Variants in SPATS2L observed in about 807,000 individuals in gnomAD.
The protein encoded by SPATS2L is SPATS2-like protein.
Under a neutral mutation model 59.6 loss-of-function variants are expected in SPATS2L, and 30 were observed. That is an observed-to-expected ratio of 0.50 (90% confidence interval 0.38 to 0.68). SPATS2L has a LOEUF of 0.68. Ranked by LOEUF, SPATS2L falls within the 30% of genes least tolerant of loss-of-function variation. The pLI is 0.00. For missense variants in SPATS2L, 615 were observed against 700.0 expected (o/e 0.88, Z 1.37); for synonymous variants, 252 against 263.5 (o/e 0.96, Z 0.42).
At chr2:200,325,339 G>A (rs566368552) in intron 1 of SPATS2L, among the ~76,000 whole-genome samples, 1 of 152,246 alleles carries the variant, frequency 6.6e-6, no homozygotes, top group African/African-American at 2.4e-5. Flanking sequence ...CAAAGTGGCA[G>A]GTACAGCTGA....
chr2:200,456,436 C>T (rs2085838646), intron 8 of SPATS2L, among the ~76,000 whole-genome samples: 1 of 152,140 alleles, frequency 6.6e-6, no homozygotes, highest in Admixed American at 6.5e-5. Context: ...TTGTGTAAAC[C>T]CTCTTCCCTC....
chr2:200,349,930 G>A (rs1248051159), intron 2 of SPATS2L, among the ~76,000 whole-genome samples: 2 of 152,174 alleles, frequency 1.3e-5, no homozygotes, highest in Non-Finnish European at 2.9e-5. Flanking sequence ...CTCCTGCCTG[G>A]GGGTCTAAGA....
intron 2 of SPATS2L, among the ~76,000 whole-genome samples, chr2:200,378,771 G>A (rs2081690823): frequency 6.6e-6 from 1 of 152,158 alleles, no homozygotes. Flanking sequence ...CAGCTTCCCA[G>A]AGTTAGCTAT....
chr2:200,406,257 G>A (rs550339162), intron 3 of SPATS2L, among the ~76,000 whole-genome samples: 12 of 152,044 alleles, frequency 7.9e-5, no homozygotes, highest in Non-Finnish European at 1.2e-4. Context: ...ACATTCTAAT[G>A]GGACTTATAT....
intron 2 of SPATS2L, among the ~76,000 whole-genome samples, chr2:200,354,443 A>G (rs1191833611): frequency 1.3e-5 from 2 of 152,146 alleles, no homozygotes; most frequent in Non-Finnish European, 2.9e-5. Flanking sequence ...TCCCGTCTCT[A>G]CTAAAAATAC....
At chr2:200,382,081 G>A (rs897428808) in intron 2 of SPATS2L, among the ~76,000 whole-genome samples, 4 of 152,002 alleles carry the variant, frequency 2.6e-5, no homozygotes, top group African/African-American at 9.7e-5. Context: ...TGTGGTGAAT[G>A]GAGTCACTCT....
At chr2:200,395,595 A>T (rs1455550148) in intron 3 of SPATS2L, among the ~76,000 whole-genome samples, 1 of 152,218 alleles carries the variant, frequency 6.6e-6, no homozygotes, top group Non-Finnish European at 1.5e-5. Context: ...TGCCTCACAA[A>T]GTCATCAAGT....
At chr2:200,453,084 A>G (rs1358601877) in intron 8 of SPATS2L, among the ~76,000 whole-genome samples, 3 of 152,134 alleles carry the variant, frequency 2.0e-5, no homozygotes, top group Non-Finnish European at 4.4e-5. Context: ...GGAAGTGGAG[A>G]GGTGCATGGG....
chr2:200,438,009 C>T (rs1312853714), intron 6 of SPATS2L, among the ~76,000 whole-genome samples: 2 of 152,096 alleles, frequency 1.3e-5, no homozygotes, highest in Non-Finnish European at 2.9e-5. Flanking sequence ...AGTGTTTGCC[C>T]TTGGGAAGAT....
intron 6 of SPATS2L, among the ~76,000 whole-genome samples, chr2:200,427,059 C>T (rs2083623082): frequency 6.6e-6 from 1 of 152,154 alleles, no homozygotes; most frequent in Non-Finnish European, 1.5e-5. Context: ...AGCAAAAACA[C>T]AAAACTACTC....
intron 1 of SPATS2L, among the ~76,000 whole-genome samples, chr2:200,321,374 A>G (rs1244603826): frequency 1.3e-5 from 2 of 152,212 alleles, no homozygotes; most frequent in East Asian, 1.9e-4. Context: ...TAATAATACT[A>G]TATACCTAGT....
At chr2:200,389,472 A>G in intron 3 of SPATS2L, 189 bp downstream of exon 3, 1 of 498,926 alleles carries the variant, frequency 2.0e-6, no homozygotes, top group Non-Finnish European at 3.6e-6. Flanking sequence ...TGTTAAGCAT[A>G]TGACACTCAT....
intron 10 of SPATS2L, 75 bp from the exon 11 acceptor site, chr2:200,469,839 A>G: frequency 9.0e-7 from 1 of 1,111,112 alleles, no homozygotes; most frequent in Non-Finnish European, 1.3e-6. Flanking sequence ...GGAAGAGCAG[A>G]GTGAACGCAT....
intron 8 of SPATS2L, among the ~76,000 whole-genome samples, chr2:200,454,461 C>A (rs776372125): frequency 6.6e-6 from 1 of 152,186 alleles, no homozygotes; most frequent in Admixed American, 6.5e-5. Context: ...AAATCTATTA[C>A]TACTAACGAG....
At chr2:200,472,072 G>A (rs751325216) in intron 11 of SPATS2L, among the ~76,000 whole-genome samples, 4 of 152,108 alleles carry the variant, frequency 2.6e-5, no homozygotes, top group Non-Finnish European at 5.9e-5. Flanking sequence ...AATAAACGCT[G>A]AGCAGACCTG....
At chr2:200,396,028 AAAAAAATATATATAT>A (rs2082326310) in intron 3 of SPATS2L, among the ~76,000 whole-genome samples, 1 of 45,238 alleles carries the variant, frequency 2.2e-5, no homozygotes, top group African/African-American at 5.9e-5. Context: ...AAAAAAAAAA[AAAAAAATATATATAT>A]ATATATATAT....
At chr2:200,409,463 T>C (rs1377410911) in intron 3 of SPATS2L, among the ~76,000 whole-genome samples, 3 of 152,162 alleles carry the variant, frequency 2.0e-5, no homozygotes, top group African/African-American at 7.2e-5. Context: ...CACATGTGAG[T>C]TCACACAATT....
At chr2:200,426,473 A>G (rs1207265825) in intron 6 of SPATS2L, among the ~76,000 whole-genome samples, 1 of 152,234 alleles carries the variant, frequency 6.6e-6, no homozygotes, top group Non-Finnish European at 1.5e-5. Context: ...TCATGCCTAT[A>G]ATCCCAGCAC....
At chr2:200,313,726 T>A (rs1300603503) in intron 1 of SPATS2L, among the ~76,000 whole-genome samples, 2 of 152,208 alleles carry the variant, frequency 1.3e-5, no homozygotes, top group African/African-American at 2.4e-5. Flanking sequence ...CAGGTCCTCG[T>A]ACACATCCCG....
Sources: allele counts gnomAD v4.1 joint callset (sites outside exome capture counted in the v4.1 genomes callset), GRCh38; gene constraint gnomAD v4.1.1; transcripts MANE v1.5; gene names NCBI Gene and HGNC (gene_info 2026-07-23, HGNC 2026-07-21).